CNTN4: variants seen among roughly 807,000 people sequenced by gnomAD.
CNTN4 encodes the protein contactin-4.
Under a neutral mutation model 122.5 loss-of-function variants are expected in CNTN4, and 77 were observed. That is an observed-to-expected ratio of 0.63 (90% CI 0.52 to 0.76). The LOEUF (loss-of-function observed/expected upper bound fraction) is 0.76, where lower values mean the gene tolerates loss of function less well. Ranked by LOEUF, CNTN4 falls within the 30% of genes least tolerant of loss-of-function variation. CNTN4 has a pLI of 0.00. For synonymous variants in CNTN4, 512 were observed against 447.0 expected (o/e 1.15, Z -1.83); for missense variants, 1,256 against 1,259.1 (o/e 1.00, Z 0.04).
At chr3:2,686,618 T>G (rs1056271841) in intron 4 of CNTN4, among the ~76,000 whole-genome samples, 1 of 152,198 alleles carries the variant, frequency 6.6e-6, no homozygotes, top group Non-Finnish European at 1.5e-5. Context: ...AATGAACATA[T>G]TCATCACCTC....
intron 13 of CNTN4, among the ~76,000 whole-genome samples, chr3:2,943,626 A>AT (rs1466738837): frequency 1.9e-4 from 11 of 58,544 alleles, no homozygotes; most frequent in South Asian, 6.1e-4. Flanking sequence ...ATATATATAT[A>AT]TATATTTTTT....
intron 3 of CNTN4, among the ~76,000 whole-genome samples, chr3:2,479,328 T>C (rs1575725962): frequency 1.3e-5 from 2 of 152,296 alleles, no homozygotes; most frequent in African/African-American, 4.8e-5. Context: ...ATTTAGCTCC[T>C]ACTGTGAGAA....
intron 4 of CNTN4, among the ~76,000 whole-genome samples, chr3:2,582,828 T>C (rs1417669357): frequency 6.6e-6 from 1 of 151,464 alleles, no homozygotes; most frequent in East Asian, 1.9e-4. Flanking sequence ...TAAAAATCCA[T>C]ATTGAGTCAG....
At chr3:2,840,485 G>C (rs541370685) in intron 7 of CNTN4, among the ~76,000 whole-genome samples, 1 of 144,932 alleles carries the variant, frequency 6.9e-6, no homozygotes, top group Non-Finnish European at 1.5e-5. Flanking sequence ...CGGATCACGA[G>C]GTCAGGAGAT....
chr3:3,035,004 A>T (rs1325809229), intron 17 of CNTN4, among the ~76,000 whole-genome samples: 1 of 152,134 alleles, frequency 6.6e-6, no homozygotes, highest in Non-Finnish European at 1.5e-5. Context: ...AAGCAATAGT[A>T]TCTGTGAAAT....
intron 3 of CNTN4, among the ~76,000 whole-genome samples, chr3:2,478,489 A>G (rs1266498870): frequency 5.2e-5 from 3 of 57,666 alleles, no homozygotes; most frequent in African/African-American, 2.5e-4. Context: ...ATAGGTAAAC[A>G]TGTGCCATGA....
At chr3:2,286,095 T>G (rs2149940155) in intron 2 of CNTN4, among the ~76,000 whole-genome samples, 1 of 152,094 alleles carries the variant, frequency 6.6e-6, no homozygotes, top group East Asian at 1.9e-4. Flanking sequence ...TGGGTGGCTT[T>G]TTTATTCTGT....
At chr3:2,537,603 T>C (rs2077862091) in intron 3 of CNTN4, among the ~76,000 whole-genome samples, 1 of 152,036 alleles carries the variant, frequency 6.6e-6, no homozygotes, top group African/African-American at 2.4e-5. Flanking sequence ...AGTAAGACAC[T>C]TCTAAGGGAA....
At chr3:3,030,424 T>C (rs577840365) in intron 15 of CNTN4, among the ~76,000 whole-genome samples, 2 of 152,288 alleles carry the variant, frequency 1.3e-5, no homozygotes, top group South Asian at 4.2e-4. Context: ...GGTTGAGCAA[T>C]AAAATGCAGA....
At chr3:2,794,754 C>T (rs1332948021) in intron 6 of CNTN4, among the ~76,000 whole-genome samples, 2 of 152,214 alleles carry the variant, frequency 1.3e-5, no homozygotes, top group Non-Finnish European at 2.9e-5. Context: ...ACATTTCTTA[C>T]AGTTATGGAG....
At chr3:2,490,127 T>C (rs889037555) in intron 3 of CNTN4, among the ~76,000 whole-genome samples, 1 of 144,140 alleles carries the variant, frequency 6.9e-6, no homozygotes, top group African/African-American at 2.6e-5. Flanking sequence ...ACAAGAGAAT[T>C]TTCAAGTCTG....
intron 2 of CNTN4, among the ~76,000 whole-genome samples, chr3:2,170,314 C>G (rs4470496): frequency 1.3e-5 from 2 of 151,604 alleles, no homozygotes; most frequent in Admixed American, 1.3e-4. Flanking sequence ...ACCAAGACTC[C>G]GTCTCAAAAC....
intron 8 of CNTN4, among the ~76,000 whole-genome samples, chr3:2,868,235 A>T (rs1040765643): frequency 6.6e-6 from 1 of 152,184 alleles, no homozygotes; most frequent in Admixed American, 6.5e-5. Context: ...TCAATCAATT[A>T]TATGATAAAC....
intron 3 of CNTN4, among the ~76,000 whole-genome samples, chr3:2,512,358 T>TA (rs1194723924): frequency 2.0e-5 from 3 of 152,050 alleles, no homozygotes; most frequent in African/African-American, 7.2e-5. Flanking sequence ...TAATGTGAAT[T>TA]AAAAAAACAA....
chr3:2,292,463 A>G (rs917732415), intron 2 of CNTN4, among the ~76,000 whole-genome samples: 13 of 152,218 alleles, frequency 8.5e-5, no homozygotes, highest in Non-Finnish European at 1.8e-4. Context: ...TAAAATGCTC[A>G]TATCTGAAGT....
At chr3:2,532,663 C>G (rs2077640965) in intron 3 of CNTN4, among the ~76,000 whole-genome samples, 1 of 152,020 alleles carries the variant, frequency 6.6e-6, no homozygotes, top group Non-Finnish European at 1.5e-5. Flanking sequence ...TCTCAAAAAG[C>G]TTAATTTACC....
intron 6 of CNTN4, among the ~76,000 whole-genome samples, chr3:2,772,927 G>C (rs1011177840): frequency 2.6e-5 from 4 of 152,172 alleles, no homozygotes; most frequent in African/African-American, 9.7e-5. Context: ...GGAATCAGGA[G>C]AGGATAGAGA....
intron 6 of CNTN4, among the ~76,000 whole-genome samples, chr3:2,765,374 G>T (rs1173107368): frequency 1.3e-5 from 2 of 152,188 alleles, no homozygotes; most frequent in Non-Finnish European, 2.9e-5. Flanking sequence ...AATGCTGATA[G>T]TGCTTTTTTT....
chr3:3,047,786 A>G (rs914339307), intron 23 of CNTN4, among the ~76,000 whole-genome samples: 3 of 151,492 alleles, frequency 2.0e-5, no homozygotes, highest in Non-Finnish European at 2.9e-5. Context: ...TCAGAGCAGA[A>G]CTGAAGGAGA....
Sources: gnomAD v4.1 joint callset for allele counts (sites outside exome capture counted in the v4.1 genomes callset) on GRCh38, gnomAD v4.1.1 for gene constraint, MANE v1.5 for transcripts, NCBI Gene and HGNC (gene_info 2026-07-23, HGNC 2026-07-21) for gene names.